TCF4: variants seen among roughly 807,000 people sequenced by gnomAD.
The protein encoded by TCF4 is SL3-3 enhancer factor 2.
In TCF4, 3 loss-of-function variants were observed where a neutral mutation model predicts 82.1. The ratio of observed to expected loss-of-function variants is 0.04; its 90% CI spans 0.02 to 0.09. The LOEUF is 0.09. Ranked by LOEUF, TCF4 falls within the 10% of genes least tolerant of loss-of-function variation. The pLI, the probability that TCF4 is intolerant of heterozygous loss-of-function variation, is 1.00. For synonymous variants in TCF4, 276 were observed against 309.6 expected (o/e 0.89, Z 1.14); for missense variants, 518 against 852.7 (o/e 0.61, Z 4.89).
chr18:55,397,192 A>G (rs12605773), intron 6 of TCF4, among the ~76,000 whole-genome samples: 71,823 of 152,082 alleles, frequency 0.47, 18,189 homozygotes, highest in African/African-American at 0.68. Flanking sequence ...TACCAACAGC[A>G]GCATAGCTCA....
At chr18:55,333,600 A>C (rs1239583720) in intron 8 of TCF4, among the ~76,000 whole-genome samples, 2 of 152,190 alleles carry the variant, frequency 1.3e-5, no homozygotes, top group Admixed American at 1.3e-4. Flanking sequence ...TAACATCTTA[A>C]TAAGTGGCTA....
At chr18:55,588,426 TC>T, upstream of TCF4, 4 of 1,532,060 alleles carry the variant, frequency 2.6e-6, no homozygotes, top group Non-Finnish European at 3.5e-6. Context: ...TCTCAACACC[TC>T]CCCCGCCTCG....
In TCF4 at chr18:55,225,998, G is replaced by T. The variant is rs946630750; in HGVS notation, c.*2037C>A. On this transcript the variant is annotated 3_prime_UTR_variant, in exon 20 of 20. Coordinates refer to ENST00000354452, the MANE Select transcript of TCF4 (RefSeq NM_001083962.2). ...ATTCTTGTAGCTATTTCATTTAAAT[G>T]AGACTTCTTTTTAAACCACAGTTTT... 6.6e-6 allele frequency: 1 copy of T among 151,064 alleles called. No homozygotes were observed. The highest frequency in any genetic ancestry group is 1.5e-5 in the Non-Finnish European group (1 of 67,644). The allele number at this position is 151,064 out of a possible 1,614,324, so 9.4% of individuals were successfully genotyped here.
At chr18:55,293,537 T>G (rs1316544359) in intron 8 of TCF4, among the ~76,000 whole-genome samples, 1 of 152,156 alleles carries the variant, frequency 6.6e-6, no homozygotes, top group Non-Finnish European at 1.5e-5. Context: ...GCAGGAGACA[T>G]CTTTCTAGAT....
At chr18:55,337,611 T>C (rs771183658) in intron 8 of TCF4, among the ~76,000 whole-genome samples, 9 of 152,208 alleles carry the variant, frequency 5.9e-5, no homozygotes, top group Non-Finnish European at 1.2e-4. Flanking sequence ...CTGGCTATTT[T>C]AGTCCTACAT....
chr18:55,466,590 TG>T (rs1487274733), intron 3 of TCF4, among the ~76,000 whole-genome samples: 1 of 152,140 alleles, frequency 6.6e-6, no homozygotes, highest in African/African-American at 2.4e-5. Flanking sequence ...GGAATCAAGT[TG>T]GAGAAAAGAT....
intron 5 of TCF4, among the ~76,000 whole-genome samples, chr18:55,422,765 A>C (rs1271587837): frequency 6.6e-6 from 1 of 152,222 alleles, no homozygotes; most frequent in East Asian, 1.9e-4. Context: ...CCTTGTCAGC[A>C]AAAGCATTAT....
intron 2 of TCF4, among the ~76,000 whole-genome samples, chr18:55,613,173 T>C (rs1376601122): frequency 2.0e-5 from 3 of 152,074 alleles, no homozygotes; most frequent in Non-Finnish European, 4.4e-5. Context: ...CTTTGATATA[T>C]ATATATATGC....
rs200652335 is a variant in TCF4 at position 55,279,363 on chromosome 18, G to A, written c.655+188C>T. Among the ~76,000 whole-genome samples, 4 of 152,170 alleles carry A rather than the reference G, an allele frequency of 2.6e-5. No individual in the cohort carries two copies. In the East Asian group the frequency reaches 7.7e-4, roughly 29 times the overall value. On this transcript the variant is annotated intron_variant, in intron 9 of 19. Coordinates refer to ENST00000354452, the MANE Select transcript of TCF4 (RefSeq NM_001083962.2). ...CATTACTGCTTAAAGGGGTTTAATT[G>A]TAAAGAAAGACTTAGTACAGTTTTA...
intron 1 of TCF4, among the ~76,000 whole-genome samples, chr18:55,631,866 TATTA>T (rs1654474393): frequency 6.6e-6 from 1 of 152,142 alleles, no homozygotes. Flanking sequence ...TGCTCAAAGG[TATTA>T]ATTCCAATTC....
At chr18:55,592,739 T>C (rs2097686947), upstream of TCF4, among the ~76,000 whole-genome samples, 1 of 152,132 alleles carries the variant, frequency 6.6e-6, no homozygotes, top group Non-Finnish European at 1.5e-5. Flanking sequence ...ACGCCCATCT[T>C]GTAGTCAGTG....
rs570499322 is a variant in TCF4 at position 55,314,589 on chromosome 18, C to A, written c.550-34933G>T. On this transcript the variant is annotated intron_variant, in intron 8 of 19. Transcript: ENST00000354452. ...TCCTTAAAAAAAAAAAAAGACCACACATTCTAGGAGAAAGGGAGTACAGGG... is the reference window on the plus strand; with the variant it reads ...TCCTTAAAAAAAAAAAAAGACCACAAATTCTAGGAGAAAGGGAGTACAGGG... Among the ~76,000 whole-genome samples, 512 of 148,916 alleles carry A rather than the reference C, an allele frequency of 3.4e-3. 4 individuals are homozygous for A. The highest frequency in any genetic ancestry group is 6.3e-3 in the Non-Finnish European group (427 of 67,482).
intron 5 of TCF4, among the ~76,000 whole-genome samples, chr18:55,440,343 C>G (rs748932689): frequency 6.6e-6 from 1 of 152,090 alleles, no homozygotes; most frequent in Non-Finnish European, 1.5e-5. Flanking sequence ...TACCGCTAAG[C>G]TTTGGGGTTT....
chr18:55,533,325 T>C (rs1471856467), intron 3 of TCF4, among the ~76,000 whole-genome samples: 2 of 152,130 alleles, frequency 1.3e-5, no homozygotes, highest in Non-Finnish European at 2.9e-5. Flanking sequence ...AGCAAATATG[T>C]ACCCTCACAT....
chr18:55,234,671 G>C lies in TCF4; in HGVS notation c.1363C>G (p.Arg455Gly). Residue 455 changes from arginine (R) to glycine (G), a missense_variant, in exon 16 of 20, where the codon CGT becomes GGT. Transcript: ENST00000354452. Reference protein sequence around the residue: ...NRHSLMVGTHREDGVALRGSH... With the variant: ...NRHSLMVGTHGEDGVALRGSH... ...CCTCTCAGGGCCACGCCATCTTCAC[G>C]ATGGGTCCCCACCTGAAAGGGCGAG... The C allele has an allele frequency of 6.2e-7, 1 of 1,614,154 alleles. No individual in the cohort carries two copies. The highest frequency in any genetic ancestry group is 8.5e-7 in the Non-Finnish European group (1 of 1,180,014).
At chr18:55,506,476 C>G (rs1161078335) in intron 3 of TCF4, among the ~76,000 whole-genome samples, 1 of 152,156 alleles carries the variant, frequency 6.6e-6, no homozygotes, top group East Asian at 1.9e-4. Context: ...ACTGCATTTT[C>G]TTTCTACAAA....
At chr18:55,401,321 C>G in intron 6 of TCF4, 1 of 1,171,054 alleles carries the variant, frequency 8.5e-7, no homozygotes, top group Non-Finnish European at 1.1e-6. Flanking sequence ...ATTGCTGCGA[C>G]CACGCTAAGC....
At chr18:55,256,641 C>T (rs1429347477) in intron 14 of TCF4, among the ~76,000 whole-genome samples, 2 of 152,080 alleles carry the variant, frequency 1.3e-5, no homozygotes, top group Admixed American at 6.6e-5. Context: ...ACCTCAACCC[C>T]GAGGAACTAA....
chr18:55,613,153 A>G (rs1195889057), intron 2 of TCF4, among the ~76,000 whole-genome samples: 1 of 152,044 alleles, frequency 6.6e-6, no homozygotes, highest in African/African-American at 2.4e-5. Flanking sequence ...TAAGTGTACA[A>G]TTTAATATGC....
Sources: gnomAD v4.1 joint callset for allele counts (sites outside exome capture counted in the v4.1 genomes callset) on GRCh38, gnomAD v4.1.1 for gene constraint, MANE v1.5 for transcripts, NCBI Gene and HGNC (gene_info 2026-07-23, HGNC 2026-07-21) for gene names.